DNAH12: variants seen among roughly 807,000 people sequenced by gnomAD.
The protein encoded by DNAH12 is dynein axonemal heavy chain 12, also known as axonemal beta dynein heavy chain 12.
DNAH12 carries 285 observed loss-of-function variants against 371.5 expected under a neutral mutation model. That is an observed-to-expected ratio of 0.77 (90% confidence interval 0.70 to 0.85). DNAH12 has a LOEUF of 0.85. Ranked by LOEUF, DNAH12 falls within the 40% of genes least tolerant of loss-of-function variation. The pLI is 0.00. For synonymous variants in DNAH12, 1,200 were observed against 1,213.0 expected, an observed-to-expected ratio of 0.99 and a Z score of 0.22; for missense variants, 3,611 against 3,689.4, an observed-to-expected ratio of 0.98 and a Z score of 0.55.
chr3:57,400,946 G>C (rs2063843726), intron 43 of DNAH12, among the ~76,000 whole-genome samples: 1 of 152,020 alleles, frequency 6.6e-6, no homozygotes, highest in Admixed American at 6.6e-5. Flanking sequence ...CATTCTCTAG[G>C]ATAGACCACA....
chr3:57,363,322 C>CAAT (rs2062979359), intron 58 of DNAH12, among the ~76,000 whole-genome samples: 1 of 151,980 alleles, frequency 6.6e-6, no homozygotes, highest in Non-Finnish European at 1.5e-5. Flanking sequence ...AATACCTATC[C>CAAT]AATAATAATA....
Position 57,443,707 on chromosome 3 carries a change from TA to T in DNAH12, c.4545+989del, listed in dbSNP as rs199818177. On this transcript the variant is annotated intron_variant, in intron 29 of 73. Coordinates refer to ENST00000495027, the MANE Select transcript of DNAH12 (RefSeq NM_001366028.2). The stretch of plus-strand genomic sequence containing the variant: ...CATCTGTGTTAAGGACTGTTTCCTT[TA>T]AAAAAAAATAAAAATGAGTCTATTA... Among the ~76,000 whole-genome samples the T allele has an allele frequency of 9.5e-3, 1,431 of 150,952 alleles. 24 individuals carry two copies. Among genetic ancestry groups the T allele is most frequent in the African/African-American group, 0.032 (1,326 of 41,192 alleles).
chr3:57,424,136 A>G (rs1363295330), intron 35 of DNAH12, among the ~76,000 whole-genome samples: 1 of 152,198 alleles, frequency 6.6e-6, no homozygotes, highest in Non-Finnish European at 1.5e-5. Context: ...TTTGTTTAAT[A>G]TTAAATCACT....
chr3:57,543,232 C>T (rs1209102817), intron 1 of DNAH12, among the ~76,000 whole-genome samples: 1 of 151,462 alleles, frequency 6.6e-6, no homozygotes, highest in Non-Finnish European at 1.5e-5. Flanking sequence ...AGATGCAAAC[C>T]ACTACCACCA....
intron 12 of DNAH12, among the ~76,000 whole-genome samples, chr3:57,486,527 T>C (rs1053324988): frequency 6.6e-6 from 1 of 152,158 alleles, no homozygotes; most frequent in Non-Finnish European, 1.5e-5. Flanking sequence ...TTTTAGTTCA[T>C]GCAGGAATTT....
rs142941446 is a variant in DNAH12 at position 57,470,337 on chromosome 3, C to T, written c.2105+106G>A. On this transcript the variant is annotated intron_variant, in intron 16 of 73. Transcript: ENST00000495027. ...GGTACCTGGTTCTCTTTCAAATGGA[C>T]ATATAAATCCTACTTTTAAACACTT... 340 of 1,127,966 alleles carry T rather than the reference C, an allele frequency of 3.0e-4. 5 individuals are homozygous for T. In the East Asian group the frequency reaches 8.8e-3, roughly 29 times the overall value. 69.9% of individuals were successfully genotyped at this position (1,127,966 alleles called of 1,614,324 possible).
chr3:57,496,023 T>G (rs936355527), intron 11 of DNAH12, among the ~76,000 whole-genome samples: 2 of 148,824 alleles, frequency 1.3e-5, no homozygotes, highest in African/African-American at 2.4e-5. Context: ...ACTTAAAAGG[T>G]TATTTTATAA....
At chr3:57,412,118 A>G (rs781978652) in intron 39 of DNAH12, among the ~76,000 whole-genome samples, 3 of 152,088 alleles carry the variant, frequency 2.0e-5, no homozygotes, top group Non-Finnish European at 4.4e-5. Flanking sequence ...AGTGGCTCAT[A>G]CCTATAATCC....
chr3:57,366,809 T>C lies in DNAH12; in HGVS notation c.9087A>G (p.Thr3029=), dbSNP rs1337521458. 4 of 152,216 alleles carry C rather than the reference T, an allele frequency of 2.6e-5. No homozygotes were observed. The highest frequency in any genetic ancestry group is 7.2e-5 in the African/African-American group (3 of 41,462). 9.4% of individuals were successfully genotyped at this position (152,216 alleles called of 1,614,324 possible). Residue 3029 remains threonine (T), a synonymous_variant, in exon 57 of 74, where the codon ACA becomes ACG. Coordinates refer to ENST00000495027, the MANE Select transcript of DNAH12 (RefSeq NM_001366028.2). ...RNPHYMPELA[T]KVSLLNFMIT... ...TCATGAAATTGAGCAAAGACACTTT[T>C]GTAGCCAGTTCTGGCATATAGTGCG...
chr3:57,361,887 A>G (rs879118072), intron 58 of DNAH12, among the ~76,000 whole-genome samples: 19,053 of 152,098 alleles, frequency 0.13, 1,680 homozygotes, highest in East Asian at 0.52. Flanking sequence ...ATTATACTTT[A>G]AGTTCTAGGG....
chr3:57,542,166 G>T (rs1405185864), intron 2 of DNAH12, among the ~76,000 whole-genome samples: 1 of 127,902 alleles, frequency 7.8e-6, no homozygotes, highest in East Asian at 2.2e-4. Context: ...GGGGGGGGGG[G>T]GGGCGGTGAG....
At chr3:57,427,380 T>C (rs2064810863) in intron 34 of DNAH12, among the ~76,000 whole-genome samples, 3 of 152,044 alleles carry the variant, frequency 2.0e-5, no homozygotes, top group Admixed American at 2.0e-4. Flanking sequence ...GAGAGACATG[T>C]GGAGTAGAAG....
At chr3:57,529,630 T>C (rs1349541351) in intron 2 of DNAH12, among the ~76,000 whole-genome samples, 5 of 152,236 alleles carry the variant, frequency 3.3e-5, no homozygotes, top group African/African-American at 1.2e-4. Flanking sequence ...CTCTCTTTTT[T>C]TCCTAGTCTG....
At position 57,301,876 on chromosome 3, in the gene DNAH12, C is replaced by G; in HGVS notation, c.11253G>C (p.Val3751=). 6.4e-7 allele frequency: 1 copy of G among 1,551,628 alleles called. No individual in the cohort carries two copies. The highest frequency in any genetic ancestry group is 8.7e-7 in the Non-Finnish European group (1 of 1,146,990). ...AGAGTGCCTCCAATGCAGAATCCAT[C>G]ACAACCACACCCTTAATAGCTTTTT... The part of the protein sequence containing the change: ...DLEKAIKGVV[V]MDSALEALSG... Residue 3751 remains valine, a synonymous_variant, in exon 70 of 74, where the codon GTG becomes GTC. Coordinates refer to ENST00000495027, the MANE Select transcript of DNAH12 (RefSeq NM_001366028.2).
chr3:57,308,116 T>C (rs1197341049), intron 69 of DNAH12, among the ~76,000 whole-genome samples: 3 of 152,322 alleles, frequency 2.0e-5, no homozygotes, highest in East Asian at 3.9e-4. Flanking sequence ...TTACTTGACA[T>C]GCCCTGAGTC....
chr3:57,317,296 T>C lies in DNAH12; in HGVS notation c.10525-2665A>G, dbSNP rs540904731. On this transcript the variant is annotated intron_variant, in intron 65 of 73. Transcript: ENST00000495027. ...ATGTACAATACAGTATTGTTAACTA[T>C]AAGGACAATGTTGTACAGCTAATCT... 2.0e-5 allele frequency among the ~76,000 whole-genome samples: 3 copies of C among 152,304 alleles called. No homozygotes were observed. In the South Asian group the frequency reaches 6.2e-4, roughly 32 times the overall value.
chr3:57,303,225 G>A (rs1410361301), intron 69 of DNAH12, among the ~76,000 whole-genome samples: 2 of 150,380 alleles, frequency 1.3e-5, no homozygotes, highest in Non-Finnish European at 3.0e-5. Flanking sequence ...TGTAGTCCCA[G>A]CTACTCAGGA....
At chr3:57,313,794 G>A (rs574869408) in intron 66 of DNAH12, among the ~76,000 whole-genome samples, 42 of 152,184 alleles carry the variant, frequency 2.8e-4, no homozygotes, top group African/African-American at 8.7e-4. Flanking sequence ...GCAACACAGC[G>A]AGACCCCATC....
In DNAH12 at chr3:57,503,996, G is replaced by A. The variant is rs568116308; in HGVS notation, c.1086+20C>T. On this transcript the variant is annotated intron_variant, in intron 9 of 73. Transcript: ENST00000495027. Reference sequence around the variant, plus strand: ...TTCAAATAATTTAAAATTCTTTCCCGATGGGTAAAGATGTAATACCTGCAG... The same window carrying A: ...TTCAAATAATTTAAAATTCTTTCCCAATGGGTAAAGATGTAATACCTGCAG... 215 of 1,584,580 alleles carry A rather than the reference G, an allele frequency of 1.4e-4. 2 individuals are homozygous for A. In the South Asian group the frequency reaches 2.2e-3, roughly 16 times the overall value.
Sources: allele counts gnomAD v4.1 joint callset (sites outside exome capture counted in the v4.1 genomes callset), GRCh38; gene constraint gnomAD v4.1.1; transcripts MANE v1.5; gene names NCBI Gene and HGNC (gene_info 2026-07-23, HGNC 2026-07-21).